ERC1: variants seen among roughly 807,000 people sequenced by gnomAD.
ERC1 encodes ELKS/RAB6-interacting/CAST family member 1, also known as RAB6 interacting protein 2.
A neutral mutation model predicts 132.0 loss-of-function variants in ERC1; 56 were observed. The ratio of observed to expected loss-of-function variants is 0.42; its 90% CI spans 0.34 to 0.53. The LOEUF is 0.53. Ranked by LOEUF, ERC1 falls within the 20% of genes least tolerant of loss-of-function variation. The pLI, the probability that ERC1 is intolerant of heterozygous loss-of-function variation, is 0.03. For synonymous variants in ERC1, 478 were observed against 476.1 expected, an observed-to-expected ratio of 1.00 and a Z score of -0.05; for missense variants, 1,202 against 1,349.9, an observed-to-expected ratio of 0.89 and a Z score of 1.72.
intron 1 of ERC1, among the ~76,000 whole-genome samples, chr12:1,003,117 C>CAAAAAAAAAAAG (rs1962780411): frequency 1.2e-5 from 1 of 81,302 alleles, no homozygotes; most frequent in Non-Finnish European, 3.0e-5. Context: ...AAAAAAAAGA[C>CAAAAAAAAAAAG]TCAAAAAAAA....
intron 12 of ERC1, among the ~76,000 whole-genome samples, chr12:1,203,622 A>G (rs1347769880): frequency 1.3e-5 from 2 of 152,236 alleles, no homozygotes; most frequent in Non-Finnish European, 2.9e-5. Flanking sequence ...CAGATTCTTA[A>G]GGTACAATTT....
intron 2 of ERC1, among the ~76,000 whole-genome samples, chr12:1,070,274 C>T (rs73608422): frequency 0.025 from 3,786 of 151,732 alleles, 150 homozygotes; most frequent in African/African-American, 0.087. Flanking sequence ...AATTATCATC[C>T]CTTCTTTTTT....
In ERC1 at chr12:1,225,461, C is replaced by A. The variant is rs868418392; in HGVS notation, c.2352-11308C>A. Among the ~76,000 whole-genome samples, 619 of 148,180 alleles carry A rather than the reference C, an allele frequency of 4.2e-3. 9 individuals are homozygous for A. The highest frequency in any genetic ancestry group is 0.021 in the Middle Eastern group (6 of 292). ...TGAGGCTGTCTCTTACACACACACA[C>A]ACACACACACACACACACACACACA... On this transcript the variant is annotated intron_variant, in intron 12 of 18. Coordinates refer to ENST00000360905, the MANE Select transcript of ERC1 (RefSeq NM_178040.4).
At position 1,492,565 on chromosome 12, in the gene ERC1, C is replaced by T; in HGVS notation, c.*2335C>T. 4.3e-6 allele frequency: 1 copy of T among 233,252 alleles called. No individual in the cohort carries two copies. The highest frequency in any genetic ancestry group is 8.5e-6 in the Non-Finnish European group (1 of 118,044). 14.4% of individuals were successfully genotyped at this position (233,252 alleles called of 1,614,324 possible). On this transcript the variant is annotated 3_prime_UTR_variant, in exon 19 of 19. Coordinates refer to ENST00000360905, the MANE Select transcript of ERC1 (RefSeq NM_178040.4). ...CAGCCACTGGGTGTGTCACTCTCCT[C>T]TTCATCTCAGCATTCTCCATCACTT...
intron 1 of ERC1, among the ~76,000 whole-genome samples, chr12:1,026,571 C>G (rs768574312): frequency 6.6e-6 from 1 of 152,130 alleles, no homozygotes; most frequent in Non-Finnish European, 1.5e-5. Flanking sequence ...TCCAGTAATA[C>G]TTAGTGGACA....
chr12:1,219,418 T>C (rs1489723132), intron 12 of ERC1, among the ~76,000 whole-genome samples: 2 of 152,172 alleles, frequency 1.3e-5, no homozygotes, highest in Non-Finnish European at 2.9e-5. Flanking sequence ...AGGCAATAAA[T>C]CACCAAGCAA....
At chr12:1,255,891 A>C (rs2076780152) in intron 13 of ERC1, among the ~76,000 whole-genome samples, 1 of 151,488 alleles carries the variant, frequency 6.6e-6, no homozygotes, top group Non-Finnish European at 1.5e-5. Context: ...CGCCCACCTC[A>C]ACCTCCCAAA....
rs1322690784 is a variant in ERC1, at chr12:1,104,967, C to T, written c.1161+143C>T. On this transcript the variant is annotated intron_variant, in intron 4 of 18. Transcript: ENST00000360905. ...TAAGAGTGAGAATCAATGAAAATGA[C>T]ATCTTAAAAGAATTTCAGTTTTATT... The T allele has an allele frequency of 6.9e-6, 4 of 576,740 alleles. No homozygotes were observed. The African/African-American group carries it at 7.5e-5, about 11-fold the overall frequency. The allele number at this position is 576,740 out of a possible 1,614,324, so 35.7% of individuals were successfully genotyped here.
intron 10 of ERC1, among the ~76,000 whole-genome samples, chr12:1,183,001 A>G (rs760615861): frequency 1.5e-4 from 23 of 152,210 alleles, no homozygotes; most frequent in Non-Finnish European, 2.8e-4. Flanking sequence ...AGGTTTGACT[A>G]CTTACATTCA....
rs67132193 is a variant in ERC1 at position 1,225,449 on chromosome 12, TACACAC to T, written c.2352-11281_2352-11276del. Among the ~76,000 whole-genome samples, 399 of 131,836 alleles carry T rather than the reference TACACAC, an allele frequency of 3.0e-3. 4 individuals are homozygous for T. Among genetic ancestry groups the T allele is most frequent in the East Asian group, 0.017 (75 of 4,448 alleles). 86.5% of individuals were successfully genotyped at this position (131,836 alleles called of 152,430 possible). ...AGGACAACAAAATGAGGCTGTCTCT[TACACAC>T]ACACACACACACACACACACACACA... On this transcript the variant is annotated intron_variant, in intron 12 of 18. Coordinates refer to ENST00000360905, the MANE Select transcript of ERC1 (RefSeq NM_178040.4).
intron 7 of ERC1, among the ~76,000 whole-genome samples, chr12:1,128,995 C>T (rs1031796161): frequency 1.3e-5 from 2 of 152,170 alleles, no homozygotes; most frequent in South Asian, 2.1e-4. Context: ...AAATTGAGCC[C>T]AACTTATATG....
intron 18 of ERC1, among the ~76,000 whole-genome samples, chr12:1,464,137 C>A (rs1394261092): frequency 6.6e-6 from 1 of 152,156 alleles, no homozygotes; most frequent in Non-Finnish European, 1.5e-5. Context: ...GCAATTCACT[C>A]CCGATGGATG....
intron 7 of ERC1, among the ~76,000 whole-genome samples, chr12:1,125,373 C>G (rs1948046293): frequency 6.6e-6 from 1 of 151,924 alleles, no homozygotes; most frequent in African/African-American, 2.4e-5. Context: ...CAAGAAAAAA[C>G]AAGAAAGCCT....
intron 15 of ERC1, among the ~76,000 whole-genome samples, chr12:1,302,939 G>T (rs1215234677): frequency 6.6e-6 from 1 of 152,022 alleles, no homozygotes; most frequent in Non-Finnish European, 1.5e-5. Flanking sequence ...CTCCAGCCTG[G>T]GTGATAAAGT....
chr12:1,143,432 A>G (rs191502270), intron 8 of ERC1, among the ~76,000 whole-genome samples: 53 of 151,644 alleles, frequency 3.5e-4, no homozygotes, highest in African/African-American at 1.2e-3. Flanking sequence ...ATTTTGTGAC[A>G]TATTACAAAA....
At chr12:1,140,883 G>A (rs1949802406) in intron 7 of ERC1, among the ~76,000 whole-genome samples, 1 of 151,974 alleles carries the variant, frequency 6.6e-6, no homozygotes, top group East Asian at 1.9e-4. Flanking sequence ...TGTTTGAAAT[G>A]ACAATGAAAA....
At chr12:1,172,682 T>C (rs190706045) in intron 8 of ERC1, among the ~76,000 whole-genome samples, 86 of 152,290 alleles carry the variant, frequency 5.6e-4, no homozygotes, top group Non-Finnish European at 1.1e-3. Flanking sequence ...AGTGATTTCT[T>C]TCTATGTCAG....
chr12:1,123,588 T>C (rs1200652415), intron 7 of ERC1, among the ~76,000 whole-genome samples: 1 of 152,246 alleles, frequency 6.6e-6, no homozygotes, highest in Non-Finnish European at 1.5e-5. Context: ...ATTTTAATAT[T>C]GATTAAATTA....
At chr12:1,007,714 C>T (rs1231813230) in intron 1 of ERC1, among the ~76,000 whole-genome samples, 3 of 152,012 alleles carry the variant, frequency 2.0e-5, no homozygotes, top group Non-Finnish European at 4.4e-5. Flanking sequence ...TAAGGTATGT[C>T]TAAACTAATT....
Sources: allele counts gnomAD v4.1 joint callset (sites outside exome capture counted in the v4.1 genomes callset), GRCh38; gene constraint gnomAD v4.1.1; transcripts MANE v1.5; gene names NCBI Gene and HGNC (gene_info 2026-07-23, HGNC 2026-07-21).